Variants in RABGAP1L observed in about 807,000 individuals in gnomAD.
RABGAP1L encodes RAB GTPase activating protein 1 like, also known as rab GTPase-activating protein 1-like.
In RABGAP1L, 63 loss-of-function variants were observed where a neutral mutation model predicts 137.7. The observed-to-expected ratio is 0.46, with a 90% confidence interval of 0.37 to 0.56. The LOEUF (loss-of-function observed/expected upper bound fraction) is 0.56, where lower values mean the gene tolerates loss of function less well. Among genes scored for constraint, RABGAP1L ranks in the 20% least tolerant of loss-of-function variants. RABGAP1L has a pLI of 0.00. For missense variants in RABGAP1L, 1,095 were observed against 1,244.0 expected, an observed-to-expected ratio of 0.88 and a Z score of 1.80; for synonymous variants, 431 against 433.7, an observed-to-expected ratio of 0.99 and a Z score of 0.08.
chr1:174,396,524 G>A (rs1647877210), intron 13 of RABGAP1L, among the ~76,000 whole-genome samples: 1 of 151,524 alleles, frequency 6.6e-6, no homozygotes, highest in East Asian at 1.9e-4. Context: ...AGTTTTTATC[G>A]ATGGAGTATC....
chr1:174,749,077 G>A (rs903547925), intron 17 of RABGAP1L, among the ~76,000 whole-genome samples: 2 of 151,674 alleles, frequency 1.3e-5, no homozygotes, highest in African/African-American at 4.8e-5. Flanking sequence ...ATGGGAGGCT[G>A]AGGCACAAGA....
At chr1:174,817,689 G>A (rs564391076) in intron 19 of RABGAP1L, among the ~76,000 whole-genome samples, 1 of 152,306 alleles carries the variant, frequency 6.6e-6, no homozygotes, top group South Asian at 2.1e-4. Flanking sequence ...GTTATTGTTA[G>A]GAAGGTCATT....
At chr1:174,793,404 A>G (rs1366107834) in intron 18 of RABGAP1L, among the ~76,000 whole-genome samples, 1 of 152,228 alleles carries the variant, frequency 6.6e-6, no homozygotes, top group Non-Finnish European at 1.5e-5. Flanking sequence ...ATTCCTAAAA[A>G]GCTAGGTAAG....
intron 13 of RABGAP1L, among the ~76,000 whole-genome samples, chr1:174,549,652 A>G (rs1039041446): frequency 6.6e-6 from 1 of 152,226 alleles, no homozygotes; most frequent in Non-Finnish European, 1.5e-5. Context: ...AAGCCAAGCC[A>G]ACTTGTTGCT....
At chr1:174,884,841 A>G (rs756127976) in intron 19 of RABGAP1L, among the ~76,000 whole-genome samples, 9 of 152,162 alleles carry the variant, frequency 5.9e-5, no homozygotes, top group Non-Finnish European at 1.3e-4. Context: ...CTTTATTTCT[A>G]TGGCAGAATA....
chr1:174,400,537 G>T (rs16846938), intron 13 of RABGAP1L, among the ~76,000 whole-genome samples: 59,175 of 151,988 alleles, frequency 0.39, 14,537 homozygotes, highest in African/African-American at 0.7. Flanking sequence ...TATTTATTCT[G>T]TTTTTCTTTT....
chr1:174,951,007 A>G (rs1484472045), intron 19 of RABGAP1L, among the ~76,000 whole-genome samples: 6 of 152,226 alleles, frequency 3.9e-5, no homozygotes, highest in Non-Finnish European at 8.8e-5. Context: ...GCCCAATGTT[A>G]AAACTGAGCA....
chr1:174,591,691 G>T (rs1463372960), intron 13 of RABGAP1L, among the ~76,000 whole-genome samples: 1,749 of 62,862 alleles, frequency 0.028, 28 homozygotes, highest in Middle Eastern at 0.061. Context: ...TGAGGGCTCT[G>T]TTCTGTTCCA....
intron 19 of RABGAP1L, among the ~76,000 whole-genome samples, chr1:174,874,158 A>G (rs1322359563): frequency 2.6e-5 from 4 of 152,230 alleles, no homozygotes; most frequent in African/African-American, 9.6e-5. Flanking sequence ...TTTTCTTAAT[A>G]AGATCCAGAA....
chr1:174,516,648 C>G (rs974004993), intron 13 of RABGAP1L, among the ~76,000 whole-genome samples: 1 of 152,156 alleles, frequency 6.6e-6, no homozygotes, highest in Non-Finnish European at 1.5e-5. Flanking sequence ...TGAGTACACA[C>G]TGTGTGCCAA....
chr1:174,507,817 A>G (rs772036445), intron 13 of RABGAP1L, among the ~76,000 whole-genome samples: 3 of 148,312 alleles, frequency 2.0e-5, no homozygotes, highest in Non-Finnish European at 4.4e-5. Flanking sequence ...ACTATTAAGT[A>G]TCTTTAATGT....
chr1:174,560,587 A>G (rs1304913258), intron 13 of RABGAP1L, among the ~76,000 whole-genome samples: 1 of 152,170 alleles, frequency 6.6e-6, no homozygotes, highest in Admixed American at 6.5e-5. Flanking sequence ...TTTTAGCTTC[A>G]AGGGATACAT....
At chr1:174,647,197 A>C (rs931121152) in intron 14 of RABGAP1L, among the ~76,000 whole-genome samples, 29 of 151,952 alleles carry the variant, frequency 1.9e-4, no homozygotes, top group Non-Finnish European at 4.4e-5. Context: ...AATACCCTTT[A>C]TTTCTTTCTC....
chr1:174,501,312 C>CAA (rs1239530357), intron 13 of RABGAP1L, among the ~76,000 whole-genome samples: 2 of 151,328 alleles, frequency 1.3e-5, no homozygotes, highest in African/African-American at 4.9e-5. Flanking sequence ...CTCCCGGGTT[C>CAA]AAGCGATTCT....
At chr1:174,563,312 T>C (rs139020539) in intron 13 of RABGAP1L, among the ~76,000 whole-genome samples, 20 of 152,328 alleles carry the variant, frequency 1.3e-4, no homozygotes, top group Non-Finnish European at 2.6e-4. Flanking sequence ...AGTATGTTAA[T>C]TAGATATGAA....
chr1:174,553,571 G>C (rs1470733724), intron 13 of RABGAP1L, among the ~76,000 whole-genome samples: 1 of 152,166 alleles, frequency 6.6e-6, no homozygotes, highest in Non-Finnish European at 1.5e-5. Flanking sequence ...CTTCCTGACT[G>C]ATTTTATGAA....
chr1:174,610,831 T>C (rs547658612), intron 13 of RABGAP1L, among the ~76,000 whole-genome samples: 6,725 of 152,168 alleles, frequency 0.044, 495 homozygotes, highest in African/African-American at 0.15. Flanking sequence ...TTTCATGTGT[T>C]TTTTGGCTGC....
At chr1:174,420,358 CT>C (rs1300132526) in intron 13 of RABGAP1L, among the ~76,000 whole-genome samples, 1 of 151,994 alleles carries the variant, frequency 6.6e-6, no homozygotes, top group Non-Finnish European at 1.5e-5. Flanking sequence ...TTTTCACTAC[CT>C]TTTAGTAATC....
chr1:174,439,267 T>C (rs1001301366), intron 13 of RABGAP1L, among the ~76,000 whole-genome samples: 1 of 152,212 alleles, frequency 6.6e-6, no homozygotes, highest in African/African-American at 2.4e-5. Context: ...TGCCACTAAA[T>C]TAACTTTTCT....
Sources: gnomAD v4.1 joint callset for allele counts (sites outside exome capture counted in the v4.1 genomes callset) on GRCh38, gnomAD v4.1.1 for gene constraint, MANE v1.5 for transcripts, NCBI Gene and HGNC (gene_info 2026-07-23, HGNC 2026-07-21) for gene names.